Variants in GSTA3 observed in about 807,000 individuals in gnomAD.
GSTA3 encodes the protein glutathione S-transferase alpha 3, also known as glutathione S-transferase A3.
A neutral mutation model predicts 23.1 loss-of-function variants in GSTA3; 16 were observed. The observed-to-expected ratio is 0.69, with a 90% CI of 0.47 to 1.05. The LOEUF (loss-of-function observed/expected upper bound fraction) is 1.05. Ranked by LOEUF, GSTA3 falls within the 50% of genes least tolerant of loss-of-function variation. GSTA3 has a pLI of 0.00. For missense variants in GSTA3, 319 were observed against 263.6 expected (o/e 1.21, Z -1.46); for synonymous variants, 122 against 91.0 (o/e 1.34, Z -1.94).
At chr6:52,905,973 G>C in intron 1 of GSTA3, 118 bp from the exon 2 acceptor site, 2 of 507,482 alleles carry the variant, frequency 3.9e-6, no homozygotes, top group South Asian at 4.9e-5. Flanking sequence ...TAGCAGGATT[G>C]TTTCCACCTC....
chr6:52,896,818 A>T lies in GSTA3; in HGVS notation c.657T>A (p.Ile219=). 1 of 1,613,972 alleles carries T rather than the reference A, an allele frequency of 6.2e-7. No individual in the cohort carries two copies. Among genetic ancestry groups the T allele is most frequent in the Non-Finnish European group, 8.5e-7 (1 of 1,179,912 alleles). Reference sequence around the variant, plus strand: ...CATGGCTGCTTTATTAAAACCTGAAAATCTTTCTGGCTTCTTCTAAAGCTT... The same window carrying T: ...CATGGCTGCTTTATTAAAACCTGAATATCTTTCTGGCTTCTTCTAAAGCTT... ...DAKALEEARK[I]FRF Residue 219 remains isoleucine (I), a synonymous_variant, in exon 7 of 7, where the codon ATT becomes ATA. Transcript: ENST00000211122.
intron 3 of GSTA3, among the ~76,000 whole-genome samples, chr6:52,902,877 CACAATTT>C (rs1238588847): frequency 2.6e-5 from 4 of 152,164 alleles, no homozygotes; most frequent in Non-Finnish European, 5.9e-5. Context: ...GGTTCTGAGA[CACAATTT>C]TATGCAGAGG....
At chr6:52,904,793 G>A (rs1156972604) in intron 2 of GSTA3, among the ~76,000 whole-genome samples, 1 of 152,182 alleles carries the variant, frequency 6.6e-6, no homozygotes. Flanking sequence ...ACACCTCCCA[G>A]CATTTCCTGC....
intron 2 of GSTA3, among the ~76,000 whole-genome samples, chr6:52,905,263 G>A (rs934297184): frequency 6.6e-6 from 1 of 151,948 alleles, no homozygotes; most frequent in African/African-American, 2.4e-5. Context: ...CTCCTCCTCT[G>A]TCATAATATG....
rs1765865308 is a variant in GSTA3, at chr6:52,905,638, T to A, written c.87+110A>T. The A allele has an allele frequency of 2.3e-5, 14 of 595,820 alleles. No individual in the cohort carries two copies. In the East Asian group the frequency reaches 4.5e-4, roughly 19 times the overall value. 36.9% of individuals were successfully genotyped at this position (595,820 alleles called of 1,614,324 possible). On this transcript the variant is annotated intron_variant, in intron 2 of 6. Coordinates refer to ENST00000211122, the MANE Select transcript of GSTA3 (RefSeq NM_000847.5). The stretch of plus-strand genomic sequence containing the variant: ...AAAAAATAACTGGGGATGCTTTTAT[T>A]TGAGGCCAAAATATTCACAGGTCAT...
At chr6:52,907,619 T>C (rs1331834549) in intron 1 of GSTA3, among the ~76,000 whole-genome samples, 1 of 151,460 alleles carries the variant, frequency 6.6e-6, no homozygotes, top group Non-Finnish European at 1.5e-5. Context: ...GTGGCACATA[T>C]ACACCATGGA....
At chr6:52,902,234 A>G in intron 4 of GSTA3, 112 bp downstream of exon 4, 1 of 1,359,862 alleles carries the variant, frequency 7.4e-7, no homozygotes, top group Non-Finnish European at 1.0e-6. Context: ...ATACACGCCC[A>G]AGGCCCAGCC....
intron 4 of GSTA3, among the ~76,000 whole-genome samples, chr6:52,901,814 T>C (rs1004183042): frequency 2.0e-5 from 3 of 152,216 alleles, no homozygotes; most frequent in African/African-American, 7.2e-5. Context: ...CTTGAATCCA[T>C]GTTTCCAGGC....
rs1029455914 is a variant in GSTA3, at chr6:52,899,957, G to A, written c.391C>T (p.Arg131Cys). Residue 131 changes from arginine to cysteine, a missense_variant, in exon 5 of 7, where the codon CGC becomes TGC. By Grantham distance (180) the Arg-to-Cys change is radical. Coordinates refer to ENST00000211122, the MANE Select transcript of GSTA3 (RefSeq NM_000847.5). ...ACTTTTTCGAAGGCAGGGAAATAGCGACTTTTTGTTTTCTCTTTGATCAAG... is the reference window on the plus strand; with the variant it reads ...ACTTTTTCGAAGGCAGGGAAATAGCAACTTTTTGTTTTCTCTTTGATCAAG... ...IALIKEKTKS[R>C]YFPAFEKVLQ... 5.6e-6 allele frequency: 9 copies of A among 1,613,860 alleles called. No individual in the cohort carries two copies. Among genetic ancestry groups the A allele is most frequent in the African/African-American group, 5.3e-5 (4 of 74,884 alleles).
intron 2 of GSTA3, among the ~76,000 whole-genome samples, 184 bp from the exon 3 acceptor site, chr6:52,903,911 G>A (rs953096463): frequency 1.3e-5 from 2 of 152,154 alleles, no homozygotes; most frequent in African/African-American, 4.8e-5. Flanking sequence ...TCAAGAAACA[G>A]GCATGGGTCA....
rs548043020 is a variant in GSTA3, at chr6:52,896,833, T to C, written c.642A>G (p.Glu214=). 3 of 1,614,000 alleles carry C rather than the reference T, an allele frequency of 1.9e-6. No individual in the cohort carries two copies. Among genetic ancestry groups the C allele is most frequent in the African/African-American group, 1.3e-5 (1 of 74,926 alleles). ...RKPPADAKAL[E]EARKIFRF Reference sequence around the variant, plus strand: ...AAAACCTGAAAATCTTTCTGGCTTCTTCTAAAGCTTTTGCATCTGCGGGAG... The same window carrying C: ...AAAACCTGAAAATCTTTCTGGCTTCCTCTAAAGCTTTTGCATCTGCGGGAG... The change falls in exon 7 of 7, where the codon GAA becomes GAG. Residue 214 remains glutamate (E), a synonymous_variant. Coordinates refer to ENST00000211122, the MANE Select transcript of GSTA3 (RefSeq NM_000847.5).
chr6:52,902,285 A>G, intron 4 of GSTA3, 61 bp downstream of exon 4: 12 of 1,602,796 alleles, frequency 7.5e-6, no homozygotes, highest in Non-Finnish European at 1.0e-5. Flanking sequence ...TCACCCACTC[A>G]AGGAAGGACC....
chr6:52,905,943 A>C, intron 1 of GSTA3, 88 bp from the exon 2 acceptor site: 1 of 603,050 alleles, frequency 1.7e-6, no homozygotes. Context: ...GTTGAACAAC[A>C]GGAGTGTCTT....
chr6:52,897,696 T>C, intron 6 of GSTA3, 129 bp downstream of exon 6: 1 of 996,050 alleles, frequency 1.0e-6, no homozygotes, highest in South Asian at 1.5e-5. Context: ...AAGCTCATTT[T>C]GGAGACCTGG....
intron 5 of GSTA3, among the ~76,000 whole-genome samples, chr6:52,898,551 A>G (rs557669312): frequency 6.6e-6 from 1 of 152,196 alleles, no homozygotes; most frequent in Non-Finnish European, 1.5e-5. Context: ...TTTTGCTGGA[A>G]AATTATAACT....
chr6:52,909,508 T>G lies in GSTA3; in HGVS notation c.-22+133A>C, dbSNP rs900430408. The G allele has an allele frequency of 2.0e-5, 3 of 152,336 alleles. No homozygotes were observed. In the East Asian group the frequency reaches 5.8e-4, roughly 29 times the overall value. The allele number at this position is 152,336 out of a possible 1,614,324, so 9.4% of individuals were successfully genotyped here. A position where few individuals can be genotyped will look rare whatever the true frequency, so the allele number is the denominator to read the frequency against. ...CCTTCAGGAACTAACAAACAATGCT[T>G]AAATTGTCTCCTAAGCACACAGAAA... On this transcript the variant is annotated intron_variant, in intron 1 of 6. Coordinates refer to ENST00000211122, the MANE Select transcript of GSTA3 (RefSeq NM_000847.5).
At chr6:52,902,085 G>T (rs1765705267) in intron 4 of GSTA3, among the ~76,000 whole-genome samples, 1 of 152,164 alleles carries the variant, frequency 6.6e-6, no homozygotes, top group Non-Finnish European at 1.5e-5. Context: ...CTGAGTTCAT[G>T]GTTCATCAGT....
chr6:52,907,716 C>T (rs551549512), intron 1 of GSTA3, among the ~76,000 whole-genome samples: 3,218 of 151,290 alleles, frequency 0.021, 57 homozygotes, highest in Middle Eastern at 0.055. Context: ...AGCAAACTAT[C>T]GCAAGGACAA....
intron 6 of GSTA3, 143 bp downstream of exon 6, chr6:52,897,682 C>A: frequency 1.2e-6 from 1 of 858,944 alleles, no homozygotes. Flanking sequence ...AAATTGGGGT[C>A]TGGAAGCTCA....
Sources: gnomAD v4.1 joint callset for allele counts (sites outside exome capture counted in the v4.1 genomes callset) on GRCh38, gnomAD v4.1.1 for gene constraint, MANE v1.5 for transcripts, NCBI Gene and HGNC (gene_info 2026-07-23, HGNC 2026-07-21) for gene names.